ARB2A: variants seen among roughly 807,000 people sequenced by gnomAD.
ARB2A encodes ARB2 cotranscriptional regulator A.
At chr5:93,908,711 T>G in the ARB2A span, among the ~76,000 whole-genome samples, 1 of 150,948 alleles carries the variant, frequency 6.6e-6, no homozygotes, top group Non-Finnish European at 1.5e-5. Flanking sequence ...TACTTTCAAC[T>G]GAAAACTAAT....
At chr5:93,861,780 A>G in the ARB2A span, 8 of 152,236 alleles carry the variant, frequency 5.3e-5, no homozygotes, top group Non-Finnish European at 1.2e-4. Context: ...AGTCACATAC[A>G]TGATCTCACC....
chr5:94,046,803 A>G, the ARB2A span, among the ~76,000 whole-genome samples: 1 of 152,238 alleles, frequency 6.6e-6, no homozygotes, highest in African/African-American at 2.4e-5. Flanking sequence ...TACAGAATCA[A>G]TGAAAAGACA....
the ARB2A span, among the ~76,000 whole-genome samples, chr5:93,755,148 A>G: frequency 6.6e-6 from 1 of 152,194 alleles, no homozygotes; most frequent in Non-Finnish European, 1.5e-5. Context: ...GATGAACTCA[A>G]AATGTCCCTC....
the ARB2A span, among the ~76,000 whole-genome samples, chr5:93,946,773 T>C: frequency 6.6e-6 from 1 of 152,218 alleles, no homozygotes; most frequent in Non-Finnish European, 1.5e-5. Context: ...TAAAATTACA[T>C]GTATGAATCA....
the ARB2A span, among the ~76,000 whole-genome samples, chr5:93,781,195 T>A: frequency 6.6e-6 from 1 of 152,176 alleles, no homozygotes; most frequent in African/African-American, 2.4e-5. Context: ...CTCCAATGTC[T>A]ATTATTCTAC....
the ARB2A span, among the ~76,000 whole-genome samples, chr5:93,894,849 G>A: frequency 6.6e-6 from 1 of 152,146 alleles, no homozygotes; most frequent in African/African-American, 2.4e-5. Flanking sequence ...AAATAATAAA[G>A]TGACAGGTTA....
the ARB2A span, among the ~76,000 whole-genome samples, chr5:93,923,357 T>C: frequency 1.3e-5 from 2 of 152,206 alleles, no homozygotes; most frequent in Non-Finnish European, 2.9e-5. Flanking sequence ...TTTCCAACTT[T>C]GCAGAGCAGT....
chr5:93,805,397 A>G, the ARB2A span: 1 of 985,172 alleles, frequency 1.0e-6, no homozygotes, highest in African/African-American at 1.7e-5. Flanking sequence ...ACCTCACAGC[A>G]AAACCCCCGT....
the ARB2A span, among the ~76,000 whole-genome samples, chr5:94,066,596 T>C: frequency 6.6e-6 from 1 of 152,034 alleles, no homozygotes; most frequent in African/African-American, 2.4e-5. Flanking sequence ...AGGAAGTGAA[T>C]AAATTCCTGG....
the ARB2A span, among the ~76,000 whole-genome samples, chr5:94,021,923 T>G: frequency 2.0e-5 from 3 of 151,890 alleles, no homozygotes; most frequent in Admixed American, 1.3e-4. Context: ...ACAAAAACAT[T>G]AGTTGAGAGT....
the ARB2A span, among the ~76,000 whole-genome samples, chr5:93,767,764 AT>A: frequency 6.6e-6 from 1 of 151,794 alleles, no homozygotes; most frequent in Non-Finnish European, 1.5e-5. Flanking sequence ...GGAGGCCGAG[AT>A]GGGTGGATCA....
chr5:93,955,756 G>A, the ARB2A span, among the ~76,000 whole-genome samples: 7 of 152,272 alleles, frequency 4.6e-5, no homozygotes, highest in East Asian at 1.3e-3. Flanking sequence ...CCTCAGCTGT[G>A]TGGGACTGCC....
the ARB2A span, among the ~76,000 whole-genome samples, chr5:93,774,928 C>T: frequency 6.6e-6 from 1 of 152,048 alleles, no homozygotes; most frequent in Non-Finnish European, 1.5e-5. Context: ...TGATTATTTG[C>T]TAATTCAGTG....
chr5:93,883,776 T>C, the ARB2A span, among the ~76,000 whole-genome samples: 1 of 151,324 alleles, frequency 6.6e-6, no homozygotes, highest in African/African-American at 2.4e-5. Context: ...GTAAGGAACA[T>C]AGTCAAAAAA....
chr5:94,044,285 G>A, the ARB2A span, among the ~76,000 whole-genome samples: 1 of 152,162 alleles, frequency 6.6e-6, no homozygotes, highest in Admixed American at 6.5e-5. Flanking sequence ...GGAATATATT[G>A]CTGTTGTACT....
the ARB2A span, among the ~76,000 whole-genome samples, chr5:94,008,622 T>G: frequency 6.6e-6 from 1 of 152,152 alleles, no homozygotes; most frequent in Admixed American, 6.5e-5. Context: ...GAAAAAAAAG[T>G]TACTCATATA....
the ARB2A span, among the ~76,000 whole-genome samples, chr5:93,627,443 G>GTTTTTT: frequency 5.4e-5 from 7 of 130,522 alleles, no homozygotes; most frequent in Non-Finnish European, 5.0e-5. Flanking sequence ...AATGTGTTTT[G>GTTTTTT]TTTTTTTTTT....
chr5:93,691,696 G>A, the ARB2A span, among the ~76,000 whole-genome samples: 6 of 151,734 alleles, frequency 4.0e-5, no homozygotes, highest in African/African-American at 1.2e-4. Flanking sequence ...GATACTCCTC[G>A]AGAAGAGCAA....
At chr5:93,946,181 G>C in the ARB2A span, among the ~76,000 whole-genome samples, 4 of 151,982 alleles carry the variant, frequency 2.6e-5, no homozygotes, top group African/African-American at 9.7e-5. Flanking sequence ...ACAGGAAACA[G>C]GAGCTTCCTG....
Sources: gnomAD v4.1 joint callset for allele counts (sites outside exome capture counted in the v4.1 genomes callset) on GRCh38, gnomAD v4.1.1 for gene constraint, MANE v1.5 for transcripts, NCBI Gene and HGNC (gene_info 2026-07-23, HGNC 2026-07-21) for gene names.